PTPRE: variants seen among roughly 807,000 people sequenced by gnomAD.
PTPRE encodes protein tyrosine phosphatase receptor type E.
Under a neutral mutation model 102.0 loss-of-function variants are expected in PTPRE, and 51 were observed. That is an observed-to-expected ratio of 0.50 (90% CI 0.40 to 0.63). The LOEUF (loss-of-function observed/expected upper bound fraction) is 0.63. Ranked by LOEUF, PTPRE falls within the 30% of genes least tolerant of loss-of-function variation. PTPRE has a pLI of 0.00. For missense variants in PTPRE, 752 were observed against 915.1 expected (o/e 0.82, Z 2.30); for synonymous variants, 345 against 348.2 (o/e 0.99, Z 0.10).
chr10:127,975,373 C>T lies in PTPRE; in HGVS notation c.-30-6901C>T, dbSNP rs1036211770. Among the ~76,000 whole-genome samples the T allele has an allele frequency of 6.6e-5, 10 of 152,166 alleles. No homozygotes were observed. In the East Asian group the frequency reaches 7.7e-4, roughly 12 times the overall value. ...CAGCAAACATGCTATTTCCCTTATT[C>T]GTGAATAATAATTATTATTATTTCA... On this transcript the variant is annotated intron_variant, in intron 1 of 20. Coordinates refer to ENST00000254667, the MANE Select transcript of PTPRE (RefSeq NM_006504.6).
intron 2 of PTPRE, among the ~76,000 whole-genome samples, chr10:128,039,103 T>G (rs570142545): frequency 6.6e-4 from 101 of 152,354 alleles, no homozygotes; most frequent in African/African-American, 2.3e-3. Flanking sequence ...ATTAAACCAA[T>G]TAATACTCCC....
chr10:127,941,677 T>C (rs181713346), intron 1 of PTPRE, among the ~76,000 whole-genome samples: 5 of 152,348 alleles, frequency 3.3e-5, no homozygotes, highest in Admixed American at 3.3e-4. Context: ...TCCACCTTGA[T>C]TGATAAAAGA....
chr10:127,985,439 CG>C (rs1196151487), intron 2 of PTPRE, among the ~76,000 whole-genome samples: 1 of 151,778 alleles, frequency 6.6e-6, no homozygotes, highest in Non-Finnish European at 1.5e-5. Context: ...AAAAATTAGC[CG>C]GGTGGTAGTG....
At chr10:128,063,051 C>G (rs770692373) in intron 9 of PTPRE, 32 bp from the exon 10 acceptor site, 145 of 1,613,076 alleles carry the variant, frequency 9.0e-5, no homozygotes, top group Non-Finnish European at 1.2e-4. Context: ...CCCTTCATGC[C>G]TTTTGACTTC....
chr10:128,042,497 T>C (rs778994691), intron 3 of PTPRE, among the ~76,000 whole-genome samples: 4 of 152,216 alleles, frequency 2.6e-5, no homozygotes, highest in Non-Finnish European at 5.9e-5. Flanking sequence ...CACACCTTGG[T>C]CCAGCCTCTG....
In PTPRE at chr10:127,980,338, CTT is replaced by C. The variant is rs11336623; in HGVS notation, c.-30-1923_-30-1922del. 8.6e-3 allele frequency among the ~76,000 whole-genome samples: 1,235 copies of C among 143,946 alleles called. 20 individuals are homozygous for C. Among genetic ancestry groups the C allele is most frequent in the African/African-American group, 0.025 (966 of 39,310 alleles). The allele number at this position is 143,946 out of a possible 152,430, so 94.4% of individuals were successfully genotyped here. A position where few individuals can be genotyped will look rare whatever the true frequency, so the allele number is the denominator to read the frequency against. The stretch of plus-strand genomic sequence containing the variant: ...TAATTGTTGTTTCCATATACAAATC[CTT>C]TTTTTTTTTTTTGTATTAGTAACTT... On this transcript the variant is annotated intron_variant, in intron 1 of 20. Transcript: ENST00000254667.
chr10:128,009,752 C>G (rs1844821592), intron 2 of PTPRE, among the ~76,000 whole-genome samples: 1 of 152,208 alleles, frequency 6.6e-6, no homozygotes, highest in Non-Finnish European at 1.5e-5. Flanking sequence ...GCTTTCCCAG[C>G]TCCTTCATTG....
At position 127,996,769 on chromosome 10, in the gene PTPRE, C is replaced by T. The variant is rs551231060; in HGVS notation, c.-8+14473C>T. ...TCACAGAAGCAGGGCCATCATGTCC[C>T]GGCTGTTGGGAGTTCCTGTGAATGT... On this transcript the variant is annotated intron_variant, in intron 2 of 20. Coordinates refer to ENST00000254667, the MANE Select transcript of PTPRE (RefSeq NM_006504.6). Among the ~76,000 whole-genome samples, 45 of 152,320 alleles carry T rather than the reference C, an allele frequency of 3.0e-4. 1 individual carries two copies. The highest frequency in any genetic ancestry group is 7.7e-4 in the African/African-American group (32 of 41,570).
At chr10:127,975,260 G>T (rs1434185208) in intron 1 of PTPRE, among the ~76,000 whole-genome samples, 3 of 152,194 alleles carry the variant, frequency 2.0e-5, no homozygotes, top group African/African-American at 4.8e-5. Flanking sequence ...CCGACTTGAT[G>T]CTCTTCCTGT....
At chr10:127,950,960 C>T (rs1848976444) in intron 1 of PTPRE, among the ~76,000 whole-genome samples, 4 of 151,850 alleles carry the variant, frequency 2.6e-5, no homozygotes, top group African/African-American at 9.7e-5. Flanking sequence ...AGCCGGGCAT[C>T]GTGGCGGGCG....
intron 2 of PTPRE, among the ~76,000 whole-genome samples, chr10:128,021,910 G>A (rs1052683015): frequency 6.6e-5 from 10 of 152,324 alleles, no homozygotes; most frequent in South Asian, 4.1e-4. Context: ...ATTCCTGTTC[G>A]AGGCTTTGAT....
chr10:128,005,742 G>A (rs1180945050), intron 2 of PTPRE, among the ~76,000 whole-genome samples: 1 of 152,224 alleles, frequency 6.6e-6, no homozygotes, highest in Non-Finnish European at 1.5e-5. Context: ...TAAGCCAGCA[G>A]TTTACTGGAA....
chr10:127,966,790 C>T (rs917739851), intron 1 of PTPRE, among the ~76,000 whole-genome samples: 2 of 152,182 alleles, frequency 1.3e-5, no homozygotes, highest in African/African-American at 4.8e-5. Flanking sequence ...CCCAAAGCCA[C>T]ATTTTTTGAC....
chr10:127,985,787 C>A (rs951751332), intron 2 of PTPRE, among the ~76,000 whole-genome samples: 2 of 151,868 alleles, frequency 1.3e-5, no homozygotes, highest in Admixed American at 1.3e-4. Flanking sequence ...CTTAAAAAAA[C>A]TATATTAATA....
At chr10:127,979,842 G>A (rs1394374129) in intron 1 of PTPRE, among the ~76,000 whole-genome samples, 1 of 152,174 alleles carries the variant, frequency 6.6e-6, no homozygotes, top group African/African-American at 2.4e-5. Flanking sequence ...ACTGTCTGCA[G>A]CCCTGCTCCA....
chr10:127,932,461 T>C (rs1229800470), intron 1 of PTPRE, among the ~76,000 whole-genome samples: 1 of 152,182 alleles, frequency 6.6e-6, no homozygotes, highest in African/African-American at 2.4e-5. Context: ...AATGAAGACA[T>C]ACACAGGTGG....
At chr10:127,934,058 C>CAAT in intron 1 of PTPRE, 2 of 124,498 alleles carry the variant, frequency 1.6e-5, no homozygotes, top group Non-Finnish European at 1.6e-5. Flanking sequence ...ACACACACAA[C>CAAT]TGGTGATTGT....
At chr10:128,004,077 G>A (rs555280198) in intron 2 of PTPRE, among the ~76,000 whole-genome samples, 2 of 151,952 alleles carry the variant, frequency 1.3e-5, no homozygotes, top group African/African-American at 4.8e-5. Flanking sequence ...TTGTTGGGGG[G>A]ATTAAATGGG....
At chr10:128,046,411 C>G (rs1848093429) in intron 3 of PTPRE, among the ~76,000 whole-genome samples, 1 of 152,188 alleles carries the variant, frequency 6.6e-6, no homozygotes, top group African/African-American at 2.4e-5. Context: ...GAGTTGGAAG[C>G]CCGGTCGTTG....
Sources: gnomAD v4.1 joint callset for allele counts (sites outside exome capture counted in the v4.1 genomes callset) on GRCh38, gnomAD v4.1.1 for gene constraint, MANE v1.5 for transcripts, NCBI Gene and HGNC (gene_info 2026-07-23, HGNC 2026-07-21) for gene names.